ACAP1: variants seen among roughly 807,000 people sequenced by gnomAD.
The protein encoded by ACAP1 is arf-GAP with coiled-coil, ANK repeat and PH domain-containing protein 1.
In ACAP1, 45 loss-of-function variants were observed where a neutral mutation model predicts 98.8. The observed-to-expected ratio is 0.46, with a 90% CI of 0.36 to 0.58. The LOEUF (loss-of-function observed/expected upper bound fraction) is 0.58. Ranked by LOEUF, ACAP1 falls within the 20% of genes least tolerant of loss-of-function variation. ACAP1 has a pLI of 0.00. For synonymous variants in ACAP1, 362 were observed against 375.3 expected, an observed-to-expected ratio of 0.96 and a Z score of 0.41; for missense variants, 735 against 971.4, an observed-to-expected ratio of 0.76 and a Z score of 3.24.
Position 7,343,604 on chromosome 17 carries a change from A to G in ACAP1, c.528+42A>G, listed in dbSNP as rs746376474. On this transcript the variant is annotated intron_variant, in intron 6 of 21. Transcript: ENST00000158762. This position sits in a 1 kb window ranked among gnomAD's most constrained non-coding sequence, Gnocchi z 4.9. Reference sequence around the variant, plus strand: ...GTCTTCCTGGGGTACCAGAGCCTCAAGTGTCACCTCGAGGCTTGGGGGTCT... The same window carrying G: ...GTCTTCCTGGGGTACCAGAGCCTCAGGTGTCACCTCGAGGCTTGGGGGTCT... 20 of 1,599,302 alleles carry G rather than the reference A, an allele frequency of 1.3e-5. No individual in the cohort carries two copies. The highest frequency in any genetic ancestry group is 1.7e-5 in the Non-Finnish European group (20 of 1,170,362).
rs998178911 is a variant in ACAP1 at position 7,346,667 on chromosome 17, G to A, written c.1008-141G>A. ...GTACAGGGTGATGGGGGATATTTAG[G>A]AGAATATTACCAACTGGTACAGAAG... is the stretch of plus-strand genomic sequence containing the variant. On this transcript the variant is annotated intron_variant, in intron 12 of 21. Coordinates refer to ENST00000158762, the MANE Select transcript of ACAP1 (RefSeq NM_014716.4). 3 of 1,171,842 alleles carry A rather than the reference G, an allele frequency of 2.6e-6. No individual in the cohort carries two copies. In the African/African-American group the frequency reaches 4.6e-5, roughly 18 times the overall value. 72.6% of individuals were successfully genotyped at this position (1,171,842 alleles called of 1,614,324 possible).
chr17:7,337,138 G>A (rs1345853220), intron 1 of ACAP1, 174 bp from the exon 2 acceptor site: 10 of 701,390 alleles, frequency 1.4e-5, no homozygotes, highest in Admixed American at 6.9e-5. Flanking sequence ...GGCCTGGGCT[G>A]TGGTAGCTCC....
At position 7,344,721 on chromosome 17, in the gene ACAP1, CA is replaced by C; in HGVS notation, c.854+74del. 1 of 1,135,268 alleles carries C rather than the reference CA, an allele frequency of 8.8e-7. No homozygotes were observed. The highest frequency in any genetic ancestry group is 1.4e-5 in the South Asian group (1 of 73,202). The allele number at this position is 1,135,268 out of a possible 1,614,324, so 70.3% of individuals were successfully genotyped here. A position where few individuals can be genotyped will look rare whatever the true frequency, so the allele number is the denominator to read the frequency against. ...TTTCGAGTGGTAATAGCACACTAAG[CA>C]CTGCAAGGAAAAACAGACGAACCCC... is the stretch of plus-strand genomic sequence containing the variant. On this transcript the variant is annotated intron_variant, in intron 10 of 21. Coordinates refer to ENST00000158762, the MANE Select transcript of ACAP1 (RefSeq NM_014716.4). This position sits in a 1 kb window ranked among gnomAD's most constrained non-coding sequence, Gnocchi z 4.9.
chr17:7,346,340 A>G lies in ACAP1; in HGVS notation c.906+45A>G, dbSNP rs370399311. On this transcript the variant is annotated intron_variant, in intron 11 of 21. Coordinates refer to ENST00000158762, the MANE Select transcript of ACAP1 (RefSeq NM_014716.4). Reference sequence around the variant, plus strand: ...GGATGCCTGGGCCCCAGGGAGACTCAGCTCTTGCCTGCAGCTGGACATCTG... The same window carrying G: ...GGATGCCTGGGCCCCAGGGAGACTCGGCTCTTGCCTGCAGCTGGACATCTG... The G allele has an allele frequency of 1.5e-5, 24 of 1,613,834 alleles. No individual in the cohort carries two copies. In the African/African-American group the frequency reaches 3.2e-4, roughly 22 times the overall value.
At chr17:7,348,660 C>T (rs1019033179) in intron 17 of ACAP1, 185 bp downstream of exon 17, 20 of 631,712 alleles carry the variant, frequency 3.2e-5, no homozygotes, top group African/African-American at 5.6e-5. Context: ...TGGGGCTGGG[C>T]GTGGGCAGGG....
chr17:7,343,104 A>G lies in ACAP1; in HGVS notation c.345-275A>G, dbSNP rs1434835801. 2 of 375,420 alleles carry G rather than the reference A, an allele frequency of 5.3e-6. No homozygotes were observed. The highest frequency in any genetic ancestry group is 9.6e-6 in the Non-Finnish European group (2 of 208,846). The allele number at this position is 375,420 out of a possible 1,614,324, so 23.3% of individuals were successfully genotyped here. A position where few individuals can be genotyped will look rare whatever the true frequency, so the allele number is the denominator to read the frequency against. On this transcript the variant is annotated intron_variant, in intron 5 of 21. Coordinates refer to ENST00000158762, the MANE Select transcript of ACAP1 (RefSeq NM_014716.4). This position sits in a 1 kb window ranked among gnomAD's most constrained non-coding sequence, Gnocchi z 4.9. ...CAAAAACAAAAACAACAACAACAAC[A>G]AAAATTTTTTAAAGGGGGAGTGAGA...
rs1391917504 is a variant in ACAP1 at position 7,342,767 on chromosome 17, G to A, written c.344+293G>A. 1.1e-5 allele frequency: 5 copies of A among 447,004 alleles called. No homozygotes were observed. In the East Asian group the frequency reaches 2.2e-4, roughly 20 times the overall value. The allele number at this position is 447,004 out of a possible 1,614,324, so 27.7% of individuals were successfully genotyped here. A position where few individuals can be genotyped will look rare whatever the true frequency, so the allele number is the denominator to read the frequency against. On this transcript the variant is annotated intron_variant, in intron 5 of 21. Coordinates refer to ENST00000158762, the MANE Select transcript of ACAP1 (RefSeq NM_014716.4). ...AATACGAAAAAAAAAAATTAGCCGG[G>A]CATGGTGGCAGGTGCCTGTAATCCC...
chr17:7,351,164 G>C, intron 21 of ACAP1, 131 bp from the exon 22 acceptor site: 1 of 1,091,636 alleles, frequency 9.2e-7, no homozygotes, highest in South Asian at 1.5e-5. Flanking sequence ...ATAGGTGCTG[G>C]CGCAGTGCCC....
chr17:7,350,731 C>A lies in ACAP1; in HGVS notation c.2073-219C>A, dbSNP rs2073398833. ...TCAAGCGATTCTCCTGTCTCAGCCTCCCCTGAGTAGCTGGGACTACAGGCG... is the reference window on the plus strand; with the variant it reads ...TCAAGCGATTCTCCTGTCTCAGCCTACCCTGAGTAGCTGGGACTACAGGCG... On this transcript the variant is annotated intron_variant, in intron 20 of 21. Coordinates refer to ENST00000158762, the MANE Select transcript of ACAP1 (RefSeq NM_014716.4). The surrounding 1 kb of genome is among the most constrained non-coding windows in gnomAD (Gnocchi z 4.6). 1.9e-6 allele frequency: 1 copy of A among 516,554 alleles called. No individual in the cohort carries two copies. Among genetic ancestry groups the A allele is most frequent in the Non-Finnish European group, 3.5e-6 (1 of 285,708 alleles). 32.0% of individuals were successfully genotyped at this position (516,554 alleles called of 1,614,324 possible). A position where few individuals can be genotyped will look rare whatever the true frequency, so the allele number is the denominator to read the frequency against.
chr17:7,345,700 T>G (rs2073339648), intron 10 of ACAP1: 1 of 154,220 alleles, frequency 6.5e-6, no homozygotes, highest in Non-Finnish European at 1.4e-5. Flanking sequence ...TTGCGCAGGC[T>G]GCAGCACAGT....
Position 7,348,315 on chromosome 17 carries a change from G to A in ACAP1, c.1518G>A (p.Lys506=). The stretch of plus-strand genomic sequence containing the variant: ...TTCTCCCCTCCCACAGGCAGGAGAA[G>A]GAGGCCTGGATTCACGCTAAATACG... ...KPGPSCSRQE[K]EAWIHAKYVE... The change falls in exon 17 of 22, where the codon AAG becomes AAA. Residue 506 remains lysine, a synonymous_variant. Transcript: ENST00000158762. The A allele has an allele frequency of 6.3e-7, 1 of 1,585,684 alleles. No homozygotes were observed. Among genetic ancestry groups the A allele is most frequent in the Non-Finnish European group, 8.6e-7 (1 of 1,164,856 alleles).
intron 21 of ACAP1, 23 bp downstream of exon 21, chr17:7,351,022 C>T (rs373530243): frequency 2.4e-5 from 39 of 1,611,846 alleles, no homozygotes; most frequent in Non-Finnish European, 3.3e-5. Context: ...CCCACCCCAC[C>T]CCCCAGGCCC....
Position 7,344,134 on chromosome 17 carries a change from A to G in ACAP1, c.744+11A>G, listed in dbSNP as rs1335300589. ...CTGCTGAAACAGAAGGTGAGGGGCC[A>G]GGTGCGGTGGCCCACGACCGTCATC... On this transcript the variant is annotated intron_variant, in intron 9 of 21. Transcript: ENST00000158762. This position sits in a 1 kb window ranked among gnomAD's most constrained non-coding sequence, Gnocchi z 4.9. 6.4e-7 allele frequency: 1 copy of G among 1,562,260 alleles called. No homozygotes were observed. The highest frequency in any genetic ancestry group is 2.4e-5 in the East Asian group (1 of 41,452).
At chr17:7,339,147 G>A (rs1021099210) in intron 2 of ACAP1, among the ~76,000 whole-genome samples, 2 of 151,528 alleles carry the variant, frequency 1.3e-5, no homozygotes, top group Non-Finnish European at 2.9e-5. Context: ...AAAATTATTC[G>A]GGTGTGGCGG....
In ACAP1 at chr17:7,343,264, T is replaced by C. The variant is rs2073310297; in HGVS notation, c.345-115T>C. ...CTGACTTCCGTCCCAGGGATCACCT[T>C]GGGTTTCCCACGTTGCAGAGACTAA... On this transcript the variant is annotated intron_variant, in intron 5 of 21. Transcript: ENST00000158762. This position sits in a 1 kb window ranked among gnomAD's most constrained non-coding sequence, Gnocchi z 4.9. 2.7e-6 allele frequency: 3 copies of C among 1,117,016 alleles called. No individual in the cohort carries two copies. The highest frequency in any genetic ancestry group is 3.8e-6 in the Non-Finnish European group (3 of 781,014). 69.2% of individuals were successfully genotyped at this position (1,117,016 alleles called of 1,614,324 possible).
chr17:7,344,419 A>AATTTTAAAAAGT lies in ACAP1; in HGVS notation c.745-115_745-104dup. 1.3e-6 allele frequency: 1 copy of AATTTTAAAAAGT among 779,684 alleles called. No individual in the cohort carries two copies. Among genetic ancestry groups the AATTTTAAAAAGT allele is most frequent in the Middle Eastern group, 3.7e-4 (1 of 2,680 alleles). The allele number at this position is 779,684 out of a possible 1,614,324, so 48.3% of individuals were successfully genotyped here. ...GAACAAGACCCTGTCTCTAAAAATA[A>AATTTTAAAAAGT]ATTTTAAAAAGTATTTCAAAAAGCA... On this transcript the variant is annotated intron_variant, in intron 9 of 21. Coordinates refer to ENST00000158762, the MANE Select transcript of ACAP1 (RefSeq NM_014716.4). The surrounding 1 kb of genome is among the most constrained non-coding windows in gnomAD (Gnocchi z 4.9).
intron 1 of ACAP1, among the ~76,000 whole-genome samples, 156 bp downstream of exon 1, chr17:7,336,943 A>G (rs1369690839): frequency 6.6e-6 from 1 of 152,136 alleles, no homozygotes; most frequent in Non-Finnish European, 1.5e-5. Context: ...CTGTGAAAGC[A>G]GGGTACTCCA....
In ACAP1 at chr17:7,344,100, A is replaced by G. The variant is rs919213408; in HGVS notation, c.721A>G (p.Arg241Gly). The change falls in exon 9 of 22, where the codon AGA becomes GGA. Residue 241 changes from arginine (R) to glycine (G), a missense_variant. Transcript: ENST00000158762. The surrounding 1 kb of genome is among the most constrained non-coding windows in gnomAD (Gnocchi z 4.9). ...SAREKRDMEQ[R>G]HVLLKQKELG... ...ACGAGAGAAGAGGGACATGGAGCAGAGACACGTGCTGCTGAAACAGAAGGT... is the reference window on the plus strand; with the variant it reads ...ACGAGAGAAGAGGGACATGGAGCAGGGACACGTGCTGCTGAAACAGAAGGT... 1 of 1,584,182 alleles carries G rather than the reference A, an allele frequency of 6.3e-7. No individual in the cohort carries two copies. Among genetic ancestry groups the G allele is most frequent in the Non-Finnish European group, 8.6e-7 (1 of 1,164,662 alleles).
At position 7,343,127 on chromosome 17, in the gene ACAP1, A is replaced by C; in HGVS notation, c.345-252A>C. ...ACAAAAATTTTTTAAAGGGGGAGTG[A>C]GATGGGAGAGAAGGGGGCCTTATTT... On this transcript the variant is annotated intron_variant, in intron 5 of 21. Transcript: ENST00000158762. The surrounding 1 kb of genome is among the most constrained non-coding windows in gnomAD (Gnocchi z 4.9). The C allele has an allele frequency of 2.2e-6, 1 of 445,896 alleles. No individual in the cohort carries two copies. Among genetic ancestry groups the C allele is most frequent in the Admixed American group, 3.8e-5 (1 of 26,098 alleles). 27.6% of individuals were successfully genotyped at this position (445,896 alleles called of 1,614,324 possible). A position where few individuals can be genotyped will look rare whatever the true frequency, so the allele number is the denominator to read the frequency against.
Sources: gnomAD v4.1 joint callset for allele counts (sites outside exome capture counted in the v4.1 genomes callset) on GRCh38, gnomAD v4.1.1 for gene constraint, Gnocchi (gnomAD v3.1) non-coding constraint, MANE v1.5 for transcripts, NCBI Gene and HGNC (gene_info 2026-07-23, HGNC 2026-07-21) for gene names.